DAPK2: variants seen among roughly 807,000 people sequenced by gnomAD.
DAPK2 encodes the protein death associated protein kinase 2.
A neutral mutation model predicts 44.1 loss-of-function variants in DAPK2; 35 were observed. That is an observed-to-expected ratio of 0.79 (90% CI 0.61 to 1.05). DAPK2 has a LOEUF of 1.05. Among genes scored for constraint, DAPK2 ranks in the 50% least tolerant of loss-of-function variants. The probability of loss-of-function intolerance (pLI) is 0.00; values close to 1 mark genes in which losing one functional copy is unlikely to be tolerated. For synonymous variants in DAPK2, 174 were observed against 182.6 expected (o/e 0.95, Z 0.38); for missense variants, 453 against 483.2 (o/e 0.94, Z 0.59).
At chr15:63,913,746 C>T (rs1270945986) in intron 8 of DAPK2, among the ~76,000 whole-genome samples, 2 of 152,196 alleles carry the variant, frequency 1.3e-5, no homozygotes, top group Admixed American at 6.5e-5. Flanking sequence ...CATGGCAGCC[C>T]CTGCTGCCCA....
intron 3 of DAPK2, among the ~76,000 whole-genome samples, chr15:63,962,586 G>A (rs2077938189): frequency 1.3e-5 from 2 of 152,234 alleles, no homozygotes; most frequent in African/African-American, 4.8e-5. Flanking sequence ...ACCTTCAGCT[G>A]CAAGTCTGTT....
chr15:64,033,726 G>T (rs931270803), intron 1 of DAPK2, among the ~76,000 whole-genome samples: 4 of 152,034 alleles, frequency 2.6e-5, no homozygotes, highest in African/African-American at 9.7e-5. Context: ...GGCTAACACG[G>T]TGAAACCCCG....
At chr15:63,922,085 C>T (rs1470315) in intron 8 of DAPK2, 108,872 of 162,770 alleles carry the variant, frequency 0.67, 37,015 homozygotes, top group East Asian at 0.99. Flanking sequence ...TTCATCTGTA[C>T]TGATTGACTA....
intron 1 of DAPK2, among the ~76,000 whole-genome samples, chr15:63,986,938 T>C (rs1318422807): frequency 6.6e-6 from 1 of 152,192 alleles, no homozygotes; most frequent in Non-Finnish European, 1.5e-5. Context: ...TTCCTCATTT[T>C]CAGTATTACA....
chr15:64,032,166 G>A (rs1488765253), intron 1 of DAPK2, among the ~76,000 whole-genome samples: 1 of 152,148 alleles, frequency 6.6e-6, no homozygotes, highest in Non-Finnish European at 1.5e-5. Context: ...AGTCCAGCAG[G>A]GAGGACGACC....
At chr15:64,032,981 G>T (rs368514998) in intron 1 of DAPK2, among the ~76,000 whole-genome samples, 14 of 152,254 alleles carry the variant, frequency 9.2e-5, no homozygotes, top group African/African-American at 3.4e-4. Context: ...AGCTACTTGG[G>T]AGGCTGAGGC....
At chr15:63,983,656 C>T (rs767183532) in exon 2 of DAPK2, 75 of 1,614,036 alleles carry the variant, frequency 4.6e-5, no homozygotes, top group South Asian at 7.7e-5. Context: ...GCTCACACCG[C>T]GCCGGCTCGC....
chr15:63,918,684 A>G (rs1011355846), intron 8 of DAPK2: 1 of 152,222 alleles, frequency 6.6e-6, no homozygotes, highest in Admixed American at 6.5e-5. Context: ...ATCTCTACTA[A>G]AAATACAAAA....
rs562177178 is a variant in DAPK2 at position 64,004,813 on chromosome 15, T to C, written c.93-21059A>G. ...GGACACAACCCAATGATCCTGTAAC[T>C]CTGAGAGCCACACCCTCCCTTTCAG... On this transcript the variant is annotated intron_variant, in intron 1 of 10. Coordinates refer to ENST00000261891, the Ensembl canonical transcript of DAPK2. Among the ~76,000 whole-genome samples, 163 of 152,256 alleles carry C rather than the reference T, an allele frequency of 1.1e-3. 2 individuals carry two copies. In the South Asian group the frequency reaches 0.027, roughly 25 times the overall value.
chr15:64,044,927 A>G (rs557619407), upstream of DAPK2, among the ~76,000 whole-genome samples: 1 of 152,264 alleles, frequency 6.6e-6, no homozygotes, highest in East Asian at 1.9e-4. Flanking sequence ...GGCTGCCAAC[A>G]GAAGGGATGG....
intron 3 of DAPK2, among the ~76,000 whole-genome samples, chr15:63,954,136 T>C (rs148345909): frequency 4.6e-5 from 7 of 152,358 alleles, no homozygotes; most frequent in Non-Finnish European, 1.0e-4. Flanking sequence ...TTTTCTTTGC[T>C]GTGCAGAAGC....
At chr15:63,928,691 T>C (rs986437691) in intron 6 of DAPK2, among the ~76,000 whole-genome samples, 3 of 151,972 alleles carry the variant, frequency 2.0e-5, no homozygotes, top group African/African-American at 4.8e-5. Context: ...AAAGTGATAG[T>C]ATCATGGGAC....
chr15:63,975,819 CCTGACCTCA>C (rs2078330865), intron 2 of DAPK2, among the ~76,000 whole-genome samples: 3 of 152,086 alleles, frequency 2.0e-5, no homozygotes, highest in African/African-American at 7.2e-5. Context: ...AGCTGGGACT[CCTGACCTCA>C]AGCAATCCGT....
exon 1 of DAPK2, chr15:64,040,207 C>A: frequency 6.2e-7 from 1 of 1,614,074 alleles, no homozygotes; most frequent in Non-Finnish European, 8.5e-7. Context: ...AAGTCCTCCA[C>A]CTTCTGCTGC....
chr15:63,922,844 C>A, intron 8 of DAPK2: 1 of 1,535,892 alleles, frequency 6.5e-7, no homozygotes, highest in Non-Finnish European at 8.7e-7. Context: ...CTCAGAGCTC[C>A]CACTCTCCAG....
intron 5 of DAPK2, 115 bp downstream of exon 6, chr15:63,930,292 A>G (rs1205916722): frequency 3.9e-6 from 4 of 1,034,504 alleles, no homozygotes; most frequent in Non-Finnish European, 4.6e-6. Flanking sequence ...GGCTCTGAAC[A>G]GTGAGTGTGG....
chr15:63,986,641 C>T (rs1347009308), intron 1 of DAPK2, among the ~76,000 whole-genome samples: 2 of 152,206 alleles, frequency 1.3e-5, no homozygotes, highest in Non-Finnish European at 2.9e-5. Flanking sequence ...TTCCCACGCA[C>T]AGCCAGATGT....
At chr15:63,977,549 T>C (rs1353658947) in intron 2 of DAPK2, among the ~76,000 whole-genome samples, 2 of 151,806 alleles carry the variant, frequency 1.3e-5, no homozygotes, top group Non-Finnish European at 2.9e-5. Context: ...CAGCTTTGGA[T>C]GTGAGGGTGG....
At chr15:63,998,100 A>G (rs1183793192) in intron 1 of DAPK2, among the ~76,000 whole-genome samples, 1 of 152,240 alleles carries the variant, frequency 6.6e-6, no homozygotes, top group Non-Finnish European at 1.5e-5. Flanking sequence ...TTGGGAGAAC[A>G]CAGCACAGAG....
Sources: allele counts gnomAD v4.1 joint callset (sites outside exome capture counted in the v4.1 genomes callset), GRCh38; gene constraint gnomAD v4.1.1; transcripts MANE v1.5; gene names NCBI Gene and HGNC (gene_info 2026-07-23, HGNC 2026-07-21).